The following RALYL variants were observed in gnomAD, a reference collection of about 807,000 sequenced individuals.
The protein encoded by RALYL is RALY RNA binding protein like.
A neutral mutation model predicts 35.1 loss-of-function variants in RALYL; 29 were observed. The ratio of observed to expected loss-of-function variants is 0.83; its 90% CI spans 0.61 to 1.13. The LOEUF is 1.13. Among genes scored for constraint, RALYL ranks in the 50% most tolerant of loss-of-function variants. The pLI is 0.00. For synonymous variants in RALYL, 120 were observed against 127.6 expected, an observed-to-expected ratio of 0.94 and a Z score of 0.40; for missense variants, 359 against 360.4, an observed-to-expected ratio of 1.00 and a Z score of 0.03.
intron 2 of RALYL, among the ~76,000 whole-genome samples, chr8:84,572,873 T>G (rs1808353006): frequency 6.6e-6 from 1 of 151,714 alleles, no homozygotes; most frequent in African/African-American, 2.4e-5. Flanking sequence ...TTCCTTTTTT[T>G]TCCCAATCTT....
chr8:84,734,143 G>A (rs1472353362), intron 2 of RALYL, among the ~76,000 whole-genome samples: 5 of 152,126 alleles, frequency 3.3e-5, no homozygotes, highest in African/African-American at 1.2e-4. Flanking sequence ...CAGCAAGTGG[G>A]CAGCCACATT....
intron 6 of RALYL, among the ~76,000 whole-genome samples, chr8:84,863,880 G>A (rs1447334943): frequency 1.3e-5 from 2 of 152,090 alleles, no homozygotes; most frequent in African/African-American, 2.4e-5. Flanking sequence ...ATTCCATTTT[G>A]AGTCTTAGTA....
At chr8:84,304,493 C>T (rs1351369628) in intron 1 of RALYL, among the ~76,000 whole-genome samples, 1 of 152,106 alleles carries the variant, frequency 6.6e-6, no homozygotes, top group African/African-American at 2.4e-5. Context: ...CAATTATCTT[C>T]TTTAGAAAAT....
chr8:84,357,329 T>G (rs1485918803), intron 1 of RALYL, among the ~76,000 whole-genome samples: 1 of 152,038 alleles, frequency 6.6e-6, no homozygotes, highest in Non-Finnish European at 1.5e-5. Flanking sequence ...TTGATTTCCT[T>G]GATTTTGAGT....
chr8:84,370,658 G>T (rs1586663451), intron 1 of RALYL, among the ~76,000 whole-genome samples: 1 of 152,176 alleles, frequency 6.6e-6, no homozygotes, highest in East Asian at 1.9e-4. Context: ...TGTAAAATCT[G>T]CAGTAAAGCT....
At chr8:84,408,126 T>C (rs1411525376) in intron 1 of RALYL, among the ~76,000 whole-genome samples, 1 of 152,122 alleles carries the variant, frequency 6.6e-6, no homozygotes, top group East Asian at 1.9e-4. Context: ...TAATGATACA[T>C]TTTATAAAAT....
chr8:84,675,753 A>G (rs1394103709), intron 2 of RALYL, among the ~76,000 whole-genome samples: 4 of 152,150 alleles, frequency 2.6e-5, no homozygotes, highest in South Asian at 4.1e-4. Context: ...GCGTTTCACC[A>G]TAGTCCATAG....
intron 2 of RALYL, among the ~76,000 whole-genome samples, chr8:84,564,240 C>G (rs1056048718): frequency 2.6e-5 from 4 of 151,662 alleles, no homozygotes; most frequent in Admixed American, 1.3e-4. Context: ...CTTATGTACA[C>G]TATGAAATAG....
At chr8:84,387,961 A>G (rs1355212404) in intron 1 of RALYL, among the ~76,000 whole-genome samples, 1 of 151,932 alleles carries the variant, frequency 6.6e-6, no homozygotes, top group East Asian at 1.9e-4. Context: ...GTCATCTAGC[A>G]TTAGGTATAT....
intron 1 of RALYL, among the ~76,000 whole-genome samples, chr8:84,239,479 C>A (rs945967578): frequency 6.6e-6 from 1 of 152,198 alleles, no homozygotes; most frequent in Non-Finnish European, 1.5e-5. Context: ...ACCATTAAAT[C>A]TCTATGGCAT....
At chr8:84,216,349 A>C (rs1820816503) in intron 1 of RALYL, among the ~76,000 whole-genome samples, 1 of 152,142 alleles carries the variant, frequency 6.6e-6, no homozygotes, top group South Asian at 2.1e-4. Flanking sequence ...TATTTTAATA[A>C]AAGTCTCAGC....
intron 4 of RALYL, among the ~76,000 whole-genome samples, chr8:84,835,772 T>C (rs1382337344): frequency 6.6e-6 from 1 of 151,596 alleles, no homozygotes; most frequent in Non-Finnish European, 1.5e-5. Flanking sequence ...ACAGGAAACC[T>C]TTTGTTGAGC....
intron 1 of RALYL, among the ~76,000 whole-genome samples, chr8:84,367,372 T>C (rs1488937735): frequency 8.6e-6 from 1 of 115,982 alleles, no homozygotes; most frequent in African/African-American, 3.3e-5. Flanking sequence ...TTTTTTTTAG[T>C]AGAGGCAGGG....
chr8:84,410,267 C>A (rs924208000), intron 1 of RALYL, among the ~76,000 whole-genome samples: 2 of 151,824 alleles, frequency 1.3e-5, no homozygotes, highest in African/African-American at 4.8e-5. Flanking sequence ...AACCGGATTG[C>A]CTAGGTTCAA....
intron 1 of RALYL, among the ~76,000 whole-genome samples, chr8:84,243,974 A>G (rs938683015): frequency 4.6e-5 from 7 of 152,156 alleles, no homozygotes; most frequent in African/African-American, 1.7e-4. Flanking sequence ...GTAAATGAAT[A>G]TAGGTTTCTT....
intron 6 of RALYL, among the ~76,000 whole-genome samples, chr8:84,863,506 C>A (rs1396206316): frequency 1.3e-5 from 2 of 152,166 alleles, no homozygotes; most frequent in Admixed American, 6.5e-5. Flanking sequence ...GCATCCCAAC[C>A]ATTTAAGACA....
At chr8:84,542,426 C>T (rs1038687398) in intron 2 of RALYL, among the ~76,000 whole-genome samples, 12 of 152,038 alleles carry the variant, frequency 7.9e-5, no homozygotes, top group African/African-American at 2.9e-4. Context: ...TACGGTTTGG[C>T]TGTGCCCCCA....
chr8:84,749,567 G>T (rs1036084219), intron 2 of RALYL, among the ~76,000 whole-genome samples: 3 of 152,140 alleles, frequency 2.0e-5, no homozygotes, highest in Non-Finnish European at 4.4e-5. Context: ...TCAGGAACAA[G>T]TGTCCCCTAG....
intron 1 of RALYL, among the ~76,000 whole-genome samples, chr8:84,375,087 G>T (rs565741813): frequency 6.6e-6 from 1 of 151,886 alleles, no homozygotes; most frequent in Admixed American, 6.6e-5. Context: ...GGATACATAA[G>T]ATATTTTGAT....
Sources: gnomAD v4.1 joint callset for allele counts (sites outside exome capture counted in the v4.1 genomes callset) on GRCh38, gnomAD v4.1.1 for gene constraint, MANE v1.5 for transcripts, NCBI Gene and HGNC (gene_info 2026-07-23, HGNC 2026-07-21) for gene names.